Variants in ARHGAP24 observed in about 807,000 individuals in gnomAD.
ARHGAP24 encodes Rho GTPase activating protein 24, also known as rho GTPase-activating protein 24.
In ARHGAP24, 50 loss-of-function variants were observed where a neutral mutation model predicts 76.4. The observed-to-expected ratio is 0.65, with a 90% CI of 0.52 to 0.83. ARHGAP24 has a LOEUF of 0.83. ARHGAP24 is among the 40% of genes least tolerant of loss of function. The probability of loss-of-function intolerance (pLI) is 0.00; values close to 1 mark genes in which losing one functional copy is unlikely to be tolerated. For missense variants in ARHGAP24, 930 were observed against 914.2 expected (o/e 1.02, Z -0.22); for synonymous variants, 345 against 323.3 (o/e 1.07, Z -0.72).
chr4:85,540,853 A>G (rs2110122624), intron 1 of ARHGAP24, among the ~76,000 whole-genome samples: 2 of 152,268 alleles, frequency 1.3e-5, no homozygotes, highest in South Asian at 4.1e-4. Flanking sequence ...GCTTTTGCTT[A>G]GAAGTATTTT....
chr4:85,893,868 A>G (rs1423604899), intron 3 of ARHGAP24, among the ~76,000 whole-genome samples: 1 of 143,068 alleles, frequency 7.0e-6, no homozygotes, highest in Non-Finnish European at 1.5e-5. Flanking sequence ...CAAACACCGC[A>G]TATTCTCACT....
At chr4:85,604,794 G>A (rs980349789) in intron 2 of ARHGAP24, among the ~76,000 whole-genome samples, 1 of 151,872 alleles carries the variant, frequency 6.6e-6, no homozygotes, top group Non-Finnish European at 1.5e-5. Flanking sequence ...CACCATGTTG[G>A]TCAGGTGGGT....
Position 85,811,019 on chromosome 4 carries a change from AGC to A in ARHGAP24, c.268+89048_268+89049del, listed in dbSNP as rs201597380. Among the ~76,000 whole-genome samples the A allele has an allele frequency of 9.9e-3, 1,507 of 152,296 alleles. 29 individuals are homozygous for A. Among genetic ancestry groups the A allele is most frequent in the African/African-American group, 0.034 (1,408 of 41,562 alleles). ...TCCACATTTATGAAAGGTTTGGAAG[AGC>A]TCTCTTTCAATGTTAAGGCTCAACT... On this transcript the variant is annotated intron_variant, in intron 3 of 9. Transcript: ENST00000395184.
intron 3 of ARHGAP24, among the ~76,000 whole-genome samples, chr4:85,841,995 T>G (rs1272730098): frequency 6.9e-6 from 1 of 145,284 alleles, no homozygotes; most frequent in African/African-American, 2.4e-5. Context: ...ATAGCAGAAA[T>G]GTGCCTCTCA....
chr4:85,846,396 TA>T, intron 3 of ARHGAP24, among the ~76,000 whole-genome samples: 1 of 152,008 alleles, frequency 6.6e-6, no homozygotes, highest in Middle Eastern at 3.2e-3. Context: ...GGGTTTTTTT[TA>T]TTATTATTAT....
At chr4:85,622,654 T>C (rs557240723) in intron 2 of ARHGAP24, among the ~76,000 whole-genome samples, 7,981 of 152,192 alleles carry the variant, frequency 0.052, 673 homozygotes, top group African/African-American at 0.18. Flanking sequence ...TAGTTCTAGA[T>C]CCCTGAGGAA....
intron 3 of ARHGAP24, among the ~76,000 whole-genome samples, chr4:85,734,576 A>G (rs1445674751): frequency 1.3e-5 from 2 of 151,436 alleles, no homozygotes; most frequent in East Asian, 3.9e-4. Context: ...AGGGGTGTCA[A>G]GGCAGGCAAT....
At chr4:85,703,650 G>C (rs1724187405) in intron 2 of ARHGAP24, among the ~76,000 whole-genome samples, 1 of 152,026 alleles carries the variant, frequency 6.6e-6, no homozygotes, top group Admixed American at 6.6e-5. Context: ...ACCCTGATTA[G>C]ACACCAAATC....
chr4:85,715,562 A>T (rs1724703104), intron 2 of ARHGAP24, among the ~76,000 whole-genome samples: 1 of 152,060 alleles, frequency 6.6e-6, no homozygotes, highest in South Asian at 2.1e-4. Context: ...AAGTCATGTG[A>T]CTAAAAGGTG....
At chr4:85,861,734 A>G (rs1731909714) in intron 3 of ARHGAP24, among the ~76,000 whole-genome samples, 1 of 152,066 alleles carries the variant, frequency 6.6e-6, no homozygotes, top group Non-Finnish European at 1.5e-5. Context: ...TGTGACCACA[A>G]TCTCAGCCCA....
chr4:85,898,029 ATGTG>A (rs1376648156), intron 3 of ARHGAP24, among the ~76,000 whole-genome samples: 1 of 54,874 alleles, frequency 1.8e-5, no homozygotes, highest in Non-Finnish European at 3.5e-5. Flanking sequence ...ACACACATAT[ATGTG>A]TATATATATA....
chr4:85,569,274 T>A lies in ARHGAP24; in HGVS notation c.-20-1248T>A, dbSNP rs545916557. ...ATAATATATGCCTGGACAGGAATAA[T>A]CTACGTTTTATCAGATAATCAATAT... On this transcript the variant is annotated intron_variant, in intron 1 of 9. Coordinates refer to ENST00000395184, the MANE Select transcript of ARHGAP24 (RefSeq NM_001025616.3). Among the ~76,000 whole-genome samples the A allele has an allele frequency of 3.5e-3, 527 of 152,344 alleles. 2 individuals are homozygous for A. The highest frequency in any genetic ancestry group is 0.012 in the African/African-American group (496 of 41,568).
At chr4:85,530,914 C>T (rs1725232109) in intron 1 of ARHGAP24, among the ~76,000 whole-genome samples, 1 of 151,994 alleles carries the variant, frequency 6.6e-6, no homozygotes, top group Admixed American at 6.6e-5. Flanking sequence ...GCATAATGTG[C>T]AGGGACTGTT....
Position 86,001,370 on chromosome 4 carries a change from C to T in ARHGAP24, c.*648C>T, listed in dbSNP as rs746905703. The T allele has an allele frequency of 2.5e-5, 10 of 398,822 alleles. No homozygotes were observed. Among genetic ancestry groups the T allele is most frequent in the African/African-American group, 4.1e-5 (2 of 48,570 alleles). 24.7% of individuals were successfully genotyped at this position (398,822 alleles called of 1,614,324 possible). ...CTGGCACCACTCAGTTTTGCTTTTG[C>T]GAGGCGATTTGACATAGGAACTTTG... On this transcript the variant is annotated 3_prime_UTR_variant, in exon 10 of 10. Transcript: ENST00000395184.
intron 1 of ARHGAP24, among the ~76,000 whole-genome samples, chr4:85,549,646 G>C (rs1726051417): frequency 6.6e-6 from 1 of 152,078 alleles, no homozygotes; most frequent in African/African-American, 2.4e-5. Flanking sequence ...AAATGTGCAG[G>C]TGTGTTATAT....
chr4:85,902,689 C>T (rs368413634), intron 3 of ARHGAP24, among the ~76,000 whole-genome samples: 2 of 152,162 alleles, frequency 1.3e-5, no homozygotes, highest in Non-Finnish European at 2.9e-5. Context: ...CTGCAACCTC[C>T]GCCTCCCAGG....
chr4:85,733,060 CTTTTTTTT>C (rs1210109366), intron 3 of ARHGAP24, among the ~76,000 whole-genome samples: 4 of 55,206 alleles, frequency 7.2e-5, no homozygotes, highest in Non-Finnish European at 1.3e-4. Context: ...GCCTCACCAA[CTTTTTTTT>C]TTTTTTTTTT....
At chr4:85,823,346 T>A (rs925020050) in intron 3 of ARHGAP24, among the ~76,000 whole-genome samples, 4 of 152,216 alleles carry the variant, frequency 2.6e-5, no homozygotes, top group African/African-American at 9.6e-5. Context: ...AAATATCTTA[T>A]GAAAATCCTA....
chr4:85,489,024 T>C (rs1723259274), intron 1 of ARHGAP24, among the ~76,000 whole-genome samples: 4 of 152,218 alleles, frequency 2.6e-5, no homozygotes, highest in Admixed American at 1.3e-4. Flanking sequence ...TAATATTAAT[T>C]ATGTTTGAAC....
Sources: gnomAD v4.1 joint callset for allele counts (sites outside exome capture counted in the v4.1 genomes callset) on GRCh38, gnomAD v4.1.1 for gene constraint, MANE v1.5 for transcripts, NCBI Gene and HGNC (gene_info 2026-07-23, HGNC 2026-07-21) for gene names.